The following GPR78 variants were observed in gnomAD, a reference collection of about 807,000 sequenced individuals.
The protein encoded by GPR78 is G protein-coupled receptor 78.
GPR78 carries 29 observed loss-of-function variants against 17.9 expected under a neutral mutation model. That is an observed-to-expected ratio of 1.62 (90% CI 1.20 to 2.21). The LOEUF is 2.21. Ranked by LOEUF, GPR78 falls within the 30% of genes most tolerant of loss-of-function variation. The probability of loss-of-function intolerance (pLI) is 0.00; values close to 1 mark genes in which losing one functional copy is unlikely to be tolerated. For synonymous variants in GPR78, 349 were observed against 256.9 expected (o/e 1.36, Z -3.43); for missense variants, 649 against 530.5 (o/e 1.22, Z -2.19).
intron 2 of GPR78, among the ~76,000 whole-genome samples, chr4:8,584,809 G>T (rs1713433183): frequency 6.6e-6 from 1 of 152,246 alleles, no homozygotes; most frequent in Admixed American, 6.5e-5. Context: ...ATCCAGGAGT[G>T]TGTTGTCCCT....
chr4:8,583,451 T>C (rs1474066375), intron 2 of GPR78, among the ~76,000 whole-genome samples: 1 of 152,166 alleles, frequency 6.6e-6, no homozygotes, highest in African/African-American at 2.4e-5. Context: ...CCCTATGTGT[T>C]GAGCCATAGC....
At position 8,582,479 on chromosome 4, in the gene GPR78, G is replaced by C. The variant is rs563708354; in HGVS notation, c.669-52G>C. On this transcript the variant is annotated intron_variant, in intron 1 of 2. Coordinates refer to ENST00000382487, the MANE Select transcript of GPR78 (RefSeq NM_080819.5). ...CTTCAGCCCCTGGGCTCTGGGCCTG[G>C]GTTCTGTCCCCACCCTGCCATCATC... 412 of 1,272,412 alleles carry C rather than the reference G, an allele frequency of 3.2e-4. No homozygotes were observed. The African/African-American group carries it at 5.4e-3, about 17-fold the overall frequency. 78.8% of individuals were successfully genotyped at this position (1,272,412 alleles called of 1,614,324 possible).
In GPR78 at chr4:8,581,026, T is replaced by G; in HGVS notation, c.44T>G (p.Val15Gly). The part of the protein sequence containing the change: ...EALLAGLLVM[V>G]LAVALLSNAL... ...CTGCTGGCGGGTCTCCTGGTGATGG[T>G]ACTGGCCGTGGCGCTGCTATCCAAC... The change falls in exon 1 of 3, where the codon GTA becomes GGA. Residue 15 changes from valine (V) to glycine (G), a missense_variant. Transcript: ENST00000382487. 1 of 1,599,044 alleles carries G rather than the reference T, an allele frequency of 6.3e-7. No homozygotes were observed. The highest frequency in any genetic ancestry group is 1.1e-5 in the South Asian group (1 of 89,600).
intron 2 of GPR78, among the ~76,000 whole-genome samples, chr4:8,586,134 C>T (rs1043605020): frequency 4.6e-5 from 7 of 152,168 alleles, no homozygotes; most frequent in African/African-American, 1.4e-4. Flanking sequence ...GTGGCCCCCA[C>T]CTAAGGCTGT....
chr4:8,587,408 G>A lies in GPR78; in HGVS notation c.*45G>A. 6.3e-7 allele frequency: 1 copy of A among 1,576,352 alleles called. No individual in the cohort carries two copies. Among genetic ancestry groups the A allele is most frequent in the Non-Finnish European group, 8.6e-7 (1 of 1,156,372 alleles). On this transcript the variant is annotated 3_prime_UTR_variant, in exon 3 of 3. Coordinates refer to ENST00000382487, the MANE Select transcript of GPR78 (RefSeq NM_080819.5). ...GCCCCCACCTTCTAAGAAGCCCTGT[G>A]GAAAGGGCACTGGCCCTGCCACAGA... is the stretch of plus-strand genomic sequence containing the variant.
intron 2 of GPR78, 97 bp from the exon 3 acceptor site, chr4:8,586,957 A>G: frequency 1.9e-6 from 2 of 1,055,680 alleles, no homozygotes; most frequent in South Asian, 2.9e-5. Flanking sequence ...GGGCTGCGGT[A>G]CGTACTTGAG....
Position 8,580,895 on chromosome 4 carries a change from C to A in GPR78, c.-88C>A. 7.9e-7 allele frequency: 1 copy of A among 1,262,184 alleles called. No homozygotes were observed. The highest frequency in any genetic ancestry group is 1.1e-6 in the Non-Finnish European group (1 of 938,962). The allele number at this position is 1,262,184 out of a possible 1,614,324, so 78.2% of individuals were successfully genotyped here. ...CCTCCCAGAAGCCGTGGGCGCGCCGCTCAGCTGCTCCATCGCCTCACTTTC... is the reference window on the plus strand; with the variant it reads ...CCTCCCAGAAGCCGTGGGCGCGCCGATCAGCTGCTCCATCGCCTCACTTTC... On this transcript the variant is annotated 5_prime_UTR_variant, in exon 1 of 3. Coordinates refer to ENST00000382487, the MANE Select transcript of GPR78 (RefSeq NM_080819.5).
In GPR78 at chr4:8,581,190, G is replaced by A. The variant is rs146185925; in HGVS notation, c.208G>A (p.Gly70Arg). Residue 70 changes from glycine (G) to arginine (R), a missense_variant, in exon 1 of 3, where the codon GGG becomes AGG. Coordinates refer to ENST00000382487, the MANE Select transcript of GPR78 (RefSeq NM_080819.5). ...CTTCACGCTGCTCGGTGTGATGCGC[G>A]GGCGGACACCGTCGGCGCCCGGCGC... ...MPFTLLGVMR[G>R]RTPSAPGACQ... 2.5e-6 allele frequency: 4 copies of A among 1,601,968 alleles called. No individual in the cohort carries two copies. Among genetic ancestry groups the A allele is most frequent in the African/African-American group, 1.3e-5 (1 of 74,994 alleles).
Position 8,587,218 on chromosome 4 carries a change from C to G in GPR78, c.947C>G (p.Thr316Ser), listed in dbSNP as rs750388973. Residue 316 changes from threonine to serine, a missense_variant, in exon 3 of 3, where the codon ACC becomes AGC. Thr to Ser is a moderately conservative substitution (Grantham distance 58, BLOSUM62 1). Coordinates refer to ENST00000382487, the MANE Select transcript of GPR78 (RefSeq NM_080819.5). ...ATGGTGCACCGGCTGCTGAAGAGAA[C>G]CCCGCGCCCAGCATCCACCCATGAC... is the stretch of plus-strand genomic sequence containing the variant. ...AGMVHRLLKR[T>S]PRPASTHDSS... 1 of 1,610,776 alleles carries G rather than the reference C, an allele frequency of 6.2e-7. No individual in the cohort carries two copies. Among genetic ancestry groups the G allele is most frequent in the South Asian group, 1.1e-5 (1 of 90,976 alleles).
Position 8,582,529 on chromosome 4 carries a change from A to T in GPR78, c.669-2A>T. On this transcript the variant is annotated splice_acceptor_variant, in intron 1 of 2. Coordinates refer to ENST00000382487, the MANE Select transcript of GPR78 (RefSeq NM_080819.5). LOFTEE classifies it high-confidence loss of function. Reference sequence around the variant, plus strand: ...CCTGACCACTGTCCTCTGTCCCCACAGTGTGCGGCAGCGCTGCCTCATCCA... The same window carrying T: ...CCTGACCACTGTCCTCTGTCCCCACTGTGTGCGGCAGCGCTGCCTCATCCA... The T allele has an allele frequency of 6.3e-7, 1 of 1,599,500 alleles. No individual in the cohort carries two copies. Among genetic ancestry groups the T allele is most frequent in the Non-Finnish European group, 8.5e-7 (1 of 1,173,636 alleles).
Position 8,587,833 on chromosome 4 carries a change from C to A in GPR78, c.*470C>A. On this transcript the variant is annotated 3_prime_UTR_variant, in exon 3 of 3. Transcript: ENST00000382487. ...TTGTTCCGATTTGTTCTCGGCATTG[C>A]CCAGGTTTGGGAGATAAATGCCGGG... is the stretch of plus-strand genomic sequence containing the variant. The A allele has an allele frequency of 5.9e-6, 1 of 170,674 alleles. No homozygotes were observed. Among genetic ancestry groups the A allele is most frequent in the Non-Finnish European group, 1.3e-5 (1 of 79,162 alleles). 10.6% of individuals were successfully genotyped at this position (170,674 alleles called of 1,614,324 possible). A position where few individuals can be genotyped will look rare whatever the true frequency, so the allele number is the denominator to read the frequency against.
chr4:8,581,361 C>A lies in GPR78; in HGVS notation c.379C>A (p.Leu127Met). 1 of 1,580,838 alleles carries A rather than the reference C, an allele frequency of 6.3e-7. No individual in the cohort carries two copies. The highest frequency in any genetic ancestry group is 8.6e-7 in the Non-Finnish European group (1 of 1,169,352). Residue 127 changes from leucine (L) to methionine (M), a missense_variant, in exon 1 of 3, where the codon CTG (leucine) becomes ATG (methionine). Transcript: ENST00000382487. Reference protein sequence around the residue: ...RLRPRYAGLLLGCAWGQSLAF... With the variant: ...RLRPRYAGLLMGCAWGQSLAF... ...GCGACCGCGCTATGCCGGCCTGCTG[C>A]TGGGCTGTGCCTGGGGACAGTCGCT...
intron 2 of GPR78, among the ~76,000 whole-genome samples, chr4:8,583,375 T>C (rs1041266473): frequency 2.0e-5 from 3 of 152,168 alleles, no homozygotes; most frequent in African/African-American, 4.8e-5. Context: ...GTTTTGCCTT[T>C]CTTGGAATCT....
chr4:8,584,840 G>GTAAAGGTAGTT (rs1713436308), intron 2 of GPR78, among the ~76,000 whole-genome samples: 1 of 152,078 alleles, frequency 6.6e-6, no homozygotes, highest in Non-Finnish European at 1.5e-5. Flanking sequence ...AAAAGGTAGT[G>GTAAAGGTAGTT]CACTCATTCC....
rs1201951381 is a variant in GPR78 at position 8,589,915 on chromosome 4, T to G, written c.*2552T>G. On this transcript the variant is annotated 3_prime_UTR_variant, in exon 3 of 3. Transcript: ENST00000382487. ...CCTTGCCTTAGGCTTGTGGCCTTTTTTTTTTTTTTTTTTTTAATTTGAAAA... is the reference window on the plus strand; with the variant it reads ...CCTTGCCTTAGGCTTGTGGCCTTTTGTTTTTTTTTTTTTTTAATTTGAAAA... 1.3e-5 allele frequency among the ~76,000 whole-genome samples: 2 copies of G among 151,026 alleles called. No individual in the cohort carries two copies. The highest frequency in any genetic ancestry group is 3.0e-5 in the Non-Finnish European group (2 of 67,520).
At position 8,581,354 on chromosome 4, in the gene GPR78, C is replaced by T. The variant is rs781557468; in HGVS notation, c.372C>T (p.Gly124=). The change falls in exon 1 of 3, where the codon GGC becomes GGT. Residue 124 remains glycine (G), a synonymous_variant. Transcript: ENST00000382487. ...YAGRLRPRYA[G]LLLGCAWGQS... Reference sequence around the variant, plus strand: ...GACGCCTGCGACCGCGCTATGCCGGCCTGCTGCTGGGCTGTGCCTGGGGAC... The same window carrying T: ...GACGCCTGCGACCGCGCTATGCCGGTCTGCTGCTGGGCTGTGCCTGGGGAC... 2 of 1,579,370 alleles carry T rather than the reference C, an allele frequency of 1.3e-6. No individual in the cohort carries two copies. The highest frequency in any genetic ancestry group is 4.5e-5 in the East Asian group (2 of 44,358).
Position 8,589,428 on chromosome 4 carries a change from A to G in GPR78, c.*2065A>G, listed in dbSNP as rs1197327330. 6.6e-6 allele frequency among the ~76,000 whole-genome samples: 1 copy of G among 152,106 alleles called. No individual in the cohort carries two copies. Among genetic ancestry groups the G allele is most frequent in the Non-Finnish European group, 1.5e-5 (1 of 68,022 alleles). On this transcript the variant is annotated 3_prime_UTR_variant, in exon 3 of 3. Transcript: ENST00000382487. ...TTCACAGAGGGCACAGGTGGGTGTC[A>G]TGCCCTGGTTCACAGAGGGCACGTG...
At chr4:8,584,739 C>A (rs1467603398) in intron 2 of GPR78, among the ~76,000 whole-genome samples, 3 of 152,232 alleles carry the variant, frequency 2.0e-5, no homozygotes, top group African/African-American at 7.2e-5. Context: ...AACCTCACTC[C>A]TGAGTGTGTG....
rs571795018 is a variant in GPR78 at position 8,580,763 on chromosome 4, G to C, written c.-220G>C. 1.7e-6 allele frequency: 1 copy of C among 571,736 alleles called. No individual in the cohort carries two copies. The highest frequency in any genetic ancestry group is 2.0e-5 in the African/African-American group (1 of 50,782). 35.4% of individuals were successfully genotyped at this position (571,736 alleles called of 1,614,324 possible). On this transcript the variant is annotated 5_prime_UTR_variant, in exon 1 of 3. Coordinates refer to ENST00000382487, the MANE Select transcript of GPR78 (RefSeq NM_080819.5). ...GTTGCGCTGCCTCCAGGGCGGCCCCGGGCTGCTCCTGCTCCGCAGAGCTAC... is the reference window on the plus strand; with the variant it reads ...GTTGCGCTGCCTCCAGGGCGGCCCCCGGCTGCTCCTGCTCCGCAGAGCTAC...
Sources: allele counts gnomAD v4.1 joint callset (sites outside exome capture counted in the v4.1 genomes callset), GRCh38; gene constraint gnomAD v4.1.1; transcripts MANE v1.5; gene names NCBI Gene and HGNC (gene_info 2026-07-23, HGNC 2026-07-21).